The following PLG variants were observed in gnomAD, a reference collection of about 807,000 sequenced individuals.
PLG encodes plasmin.
PLG carries 41 observed loss-of-function variants against 104.4 expected under a neutral mutation model. That is an observed-to-expected ratio of 0.39 (90% CI 0.31 to 0.51). The LOEUF (loss-of-function observed/expected upper bound fraction) is 0.51, where lower values mean the gene tolerates loss of function less well. PLG is among the 20% of genes least tolerant of loss of function. The probability of loss-of-function intolerance (pLI) is 0.76; values close to 1 mark genes in which losing one functional copy is unlikely to be tolerated. For missense variants in PLG, 891 were observed against 1,003.6 expected (o/e 0.89, Z 1.52); for synonymous variants, 337 against 357.1 (o/e 0.94, Z 0.63).
chr6:160,725,553 C>A lies in PLG; in HGVS notation c.1256+2986C>A, dbSNP rs1777908899. Reference sequence around the variant, plus strand: ...AGAAAAAAGAATGAAGAAGATATGGCAAAGAGAGAAAATACACAGCATTAT... The same window carrying A: ...AGAAAAAAGAATGAAGAAGATATGGAAAAGAGAGAAAATACACAGCATTAT... On this transcript the variant is annotated intron_variant, in intron 10 of 18. Transcript: ENST00000308192. This position sits in a 1 kb window ranked among gnomAD's most constrained non-coding sequence, Gnocchi z 6.3. Among the ~76,000 whole-genome samples the A allele has an allele frequency of 6.6e-6, 1 of 151,654 alleles. No homozygotes were observed. The highest frequency in any genetic ancestry group is 2.1e-4 in the South Asian group (1 of 4,808).
rs140580870 is a variant in PLG, at chr6:160,752,173, G to A, written c.2184G>A (p.Val728=). Residue 728 remains valine, a synonymous_variant, in exon 18 of 19, where the codon GTG becomes GTA. Transcript: ENST00000308192. The surrounding 1 kb of genome is among the most constrained non-coding windows in gnomAD (Gnocchi z 4.7). ...EAQLPVIENK[V]CNRYEFLNGR... ...AGCTCCCTGTGATTGAGAATAAAGT[G>A]TGCAATCGCTATGAGTTTCTGAATG... 3.7e-6 allele frequency: 6 copies of A among 1,611,604 alleles called. No individual in the cohort carries two copies. Among genetic ancestry groups the A allele is most frequent in the Non-Finnish European group, 4.2e-6 (5 of 1,177,676 alleles).
intron 10 of PLG, among the ~76,000 whole-genome samples, chr6:160,729,574 C>T (rs1053269570): frequency 6.6e-6 from 1 of 152,190 alleles, no homozygotes; most frequent in Admixed American, 6.5e-5. Context: ...GACTGATCCT[C>T]TCAAATAGGA....
In PLG at chr6:160,741,753, C is replaced by T. The variant is rs1408729708; in HGVS notation, c.2125+336C>T. ...TGGTTTGTCATGCAGATTATTTTGTCACCTAGGTACTAACCCTAGTACCCA... is the reference window on the plus strand; with the variant it reads ...TGGTTTGTCATGCAGATTATTTTGTTACCTAGGTACTAACCCTAGTACCCA... On this transcript the variant is annotated intron_variant, in intron 17 of 18. Coordinates refer to ENST00000308192, the MANE Select transcript of PLG (RefSeq NM_000301.5). The surrounding 1 kb of genome is among the most constrained non-coding windows in gnomAD (Gnocchi z 4.7). Among the ~76,000 whole-genome samples the T allele has an allele frequency of 7.9e-5, 12 of 152,106 alleles. No individual in the cohort carries two copies. The highest frequency in any genetic ancestry group is 1.5e-4 in the Non-Finnish European group (10 of 68,008).
intron 1 of PLG, among the ~76,000 whole-genome samples, chr6:160,704,779 G>A (rs1380840115): frequency 6.6e-6 from 1 of 152,220 alleles, no homozygotes; most frequent in African/African-American, 2.4e-5. Context: ...GGGGGACTTT[G>A]GCCGAGGACT....
rs1777998658 is a variant in PLG, at chr6:160,731,503, A to T, written c.1439-242A>T. ...ACCTTGTTCTAAAATGGGTTATCTCAGTATCCCAGTCCAAATTCGTATTCT... is the reference window on the plus strand; with the variant it reads ...ACCTTGTTCTAAAATGGGTTATCTCTGTATCCCAGTCCAAATTCGTATTCT... On this transcript the variant is annotated intron_variant, in intron 11 of 18. Transcript: ENST00000308192. The surrounding 1 kb of genome is among the most constrained non-coding windows in gnomAD (Gnocchi z 5.1). Among the ~76,000 whole-genome samples the T allele has an allele frequency of 6.6e-6, 1 of 152,198 alleles. No homozygotes were observed. Among genetic ancestry groups the T allele is most frequent in the African/African-American group, 2.4e-5 (1 of 41,450 alleles).
At chr6:160,710,705 A>G (rs1200721794) in intron 3 of PLG, among the ~76,000 whole-genome samples, 1 of 152,178 alleles carries the variant, frequency 6.6e-6, no homozygotes, top group Non-Finnish European at 1.5e-5. Context: ...CTCATCATGT[A>G]TGTAATATGT....
chr6:160,749,124 A>T (rs1778350889), intron 17 of PLG, among the ~76,000 whole-genome samples: 1 of 152,210 alleles, frequency 6.6e-6, no homozygotes, highest in South Asian at 2.1e-4. Context: ...AATCATAAAG[A>T]TCTGTGTGTG....
At chr6:160,710,094 C>T (rs984319803) in intron 3 of PLG, among the ~76,000 whole-genome samples, 8 of 152,226 alleles carry the variant, frequency 5.3e-5, no homozygotes, top group African/African-American at 7.2e-5. Context: ...GACCATATCT[C>T]GACATTTATT....
rs778793475 is a variant in PLG, at chr6:160,722,559, C to T, written c.1248C>T (p.Tyr416=). ...PHRHQKTPEN[Y]PNAGLTMNYC... ...GGCACCAGAAGACCCCAGAAAACTA[C>T]CCAAATGCGTATGTCTTTGATTTTT... The change falls in exon 10 of 19, where the codon TAC becomes TAT. Residue 416 remains tyrosine (Y), a synonymous_variant. Transcript: ENST00000308192. 5.0e-6 allele frequency: 8 copies of T among 1,613,566 alleles called. 1 individual carries two copies. In the South Asian group the frequency reaches 6.6e-5, roughly 13 times the overall value.
At position 160,732,146 on chromosome 6, in the gene PLG, C is replaced by T. The variant is rs1358388297; in HGVS notation, c.1587+253C>T. Among the ~76,000 whole-genome samples the T allele has an allele frequency of 6.6e-6, 1 of 152,180 alleles. No homozygotes were observed. Among genetic ancestry groups the T allele is most frequent in the Non-Finnish European group, 1.5e-5 (1 of 68,034 alleles). The stretch of plus-strand genomic sequence containing the variant: ...TTCTCAGGCCTCTTCCCTTTAGTGA[C>T]ATTTCTTTAAAGTTTCCATTATTGG... On this transcript the variant is annotated intron_variant, in intron 12 of 18. Coordinates refer to ENST00000308192, the MANE Select transcript of PLG (RefSeq NM_000301.5). The surrounding 1 kb of genome is among the most constrained non-coding windows in gnomAD (Gnocchi z 4.5).
chr6:160,702,382 A>C (rs1777433578), intron 1 of PLG, 29 bp downstream of exon 1: 1 of 1,479,902 alleles, frequency 6.8e-7, no homozygotes, highest in East Asian at 2.3e-5. Context: ...AAATTATAAG[A>C]ATTATTTTTT....
intron 1 of PLG, among the ~76,000 whole-genome samples, chr6:160,704,151 T>C (rs1006181243): frequency 1.3e-5 from 2 of 152,260 alleles, no homozygotes; most frequent in African/African-American, 4.8e-5. Flanking sequence ...CTAAAAGATT[T>C]GTTTGATGTT....
chr6:160,733,962 T>G, intron 12 of PLG, 33 bp from the exon 13 acceptor site: 90 of 1,182,548 alleles, frequency 7.6e-5, no homozygotes, highest in Non-Finnish European at 9.9e-5. Flanking sequence ...CTGCCCCACG[T>G]GAGCTGGAGC....
rs548092344 is a variant in PLG at position 160,724,904 on chromosome 6, G to A, written c.1256+2337G>A. Among the ~76,000 whole-genome samples the A allele has an allele frequency of 6.6e-6, 1 of 152,256 alleles. No individual in the cohort carries two copies. Among genetic ancestry groups the A allele is most frequent in the Non-Finnish European group, 1.5e-5 (1 of 68,006 alleles). On this transcript the variant is annotated intron_variant, in intron 10 of 18. Transcript: ENST00000308192. The surrounding 1 kb of genome is among the most constrained non-coding windows in gnomAD (Gnocchi z 5.0). ...AGATGGGAACTTTATACTAAGTAAT[G>A]AAGAACCCTGGAAATGGCAAATGTA...
Position 160,736,283 on chromosome 6 carries a change from G to T in PLG, c.1682-604G>T, listed in dbSNP as rs888345954. Reference sequence around the variant, plus strand: ...ATATGTTTAAGTCACCCCCACGGCCGTTGGTTAGTCATGGGAGGCTCCCCA... The same window carrying T: ...ATATGTTTAAGTCACCCCCACGGCCTTTGGTTAGTCATGGGAGGCTCCCCA... On this transcript the variant is annotated intron_variant, in intron 13 of 18. Coordinates refer to ENST00000308192, the MANE Select transcript of PLG (RefSeq NM_000301.5). This position sits in a 1 kb window ranked among gnomAD's most constrained non-coding sequence, Gnocchi z 5.2. Among the ~76,000 whole-genome samples the T allele has an allele frequency of 2.0e-5, 3 of 152,198 alleles. No individual in the cohort carries two copies. The highest frequency in any genetic ancestry group is 2.9e-5 in the Non-Finnish European group (2 of 68,030).
intron 10 of PLG, among the ~76,000 whole-genome samples, 166 bp downstream of exon 10, chr6:160,722,733 G>A (rs577403521): frequency 2.0e-5 from 3 of 152,290 alleles, no homozygotes; most frequent in African/African-American, 4.8e-5. Context: ...AAGGGCCTGC[G>A]AGAAGAGAAA....
chr6:160,706,190 T>C (rs1777518840), intron 1 of PLG: 1 of 607,800 alleles, frequency 1.6e-6, no homozygotes, highest in African/African-American at 1.9e-5. Flanking sequence ...TCTCTGGTAG[T>C]CCCCAGTGTC....
At chr6:160,730,861 C>A (rs1407119235) in intron 10 of PLG, 190 bp from the exon 11 acceptor site, 1 of 564,986 alleles carries the variant, frequency 1.8e-6, no homozygotes, top group South Asian at 2.3e-5. Flanking sequence ...AAATTAAAAT[C>A]TGTCTTTGAA....
intron 17 of PLG, among the ~76,000 whole-genome samples, chr6:160,745,303 T>C (rs1314985071): frequency 6.6e-6 from 1 of 152,196 alleles, no homozygotes; most frequent in Non-Finnish European, 1.5e-5. Context: ...TTTGTAGGTC[T>C]CTAAGAACTT....
Sources: allele counts gnomAD v4.1 joint callset (sites outside exome capture counted in the v4.1 genomes callset), GRCh38; gene constraint gnomAD v4.1.1; non-coding constraint Gnocchi (gnomAD v3.1); transcripts MANE v1.5; gene names NCBI Gene and HGNC (gene_info 2026-07-23, HGNC 2026-07-21).